Variants in SLC9A9 observed in about 807,000 individuals in gnomAD.
The protein encoded by SLC9A9 is sodium/hydrogen exchanger 9.
Under a neutral mutation model 77.8 loss-of-function variants are expected in SLC9A9, and 62 were observed. The ratio of observed to expected loss-of-function variants is 0.80; its 90% CI spans 0.65 to 0.98. The LOEUF (loss-of-function observed/expected upper bound fraction) is 0.98, where lower values mean the gene tolerates loss of function less well. Among genes scored for constraint, SLC9A9 ranks in the 50% least tolerant of loss-of-function variants. The pLI, the probability that SLC9A9 is intolerant of heterozygous loss-of-function variation, is 0.00. For synonymous variants in SLC9A9, 320 were observed against 283.5 expected, an observed-to-expected ratio of 1.13 and a Z score of -1.29; for missense variants, 775 against 774.9, an observed-to-expected ratio of 1.00 and a Z score of 0.00.
At chr3:143,335,338 T>G (rs978601398) in intron 14 of SLC9A9, among the ~76,000 whole-genome samples, 26 of 152,184 alleles carry the variant, frequency 1.7e-4, no homozygotes, top group African/African-American at 6.0e-4. Flanking sequence ...TGTTAAAATG[T>G]TTATACTGCC....
At chr3:143,538,259 C>T (rs540278089) in intron 9 of SLC9A9, among the ~76,000 whole-genome samples, 1 of 152,258 alleles carries the variant, frequency 6.6e-6, no homozygotes, top group South Asian at 2.1e-4. Flanking sequence ...GTCTCAAACT[C>T]TTTTAGTCTC....
intron 6 of SLC9A9, among the ~76,000 whole-genome samples, chr3:143,594,881 G>A (rs1010982559): frequency 6.6e-6 from 1 of 152,196 alleles, no homozygotes; most frequent in African/African-American, 2.4e-5. Flanking sequence ...ATGTTTGAAA[G>A]GTGGAATGTT....
chr3:143,283,530 A>T (rs542719032), intron 14 of SLC9A9, among the ~76,000 whole-genome samples: 2 of 152,334 alleles, frequency 1.3e-5, no homozygotes, highest in South Asian at 4.2e-4. Context: ...GGTATCACAG[A>T]TAACTGGCTC....
intron 11 of SLC9A9, among the ~76,000 whole-genome samples, chr3:143,474,583 A>G (rs1292052344): frequency 6.6e-6 from 1 of 151,968 alleles, no homozygotes; most frequent in Non-Finnish European, 1.5e-5. Context: ...GAATTGGGGA[A>G]GCCCAGGGGA....
chr3:143,579,337 C>T (rs955592759), intron 6 of SLC9A9, among the ~76,000 whole-genome samples: 1 of 152,170 alleles, frequency 6.6e-6, no homozygotes, highest in Non-Finnish European at 1.5e-5. Context: ...TGCCCAAGGT[C>T]ATCTTTTATA....
chr3:143,693,533 A>T (rs1933541520), intron 4 of SLC9A9, among the ~76,000 whole-genome samples: 1 of 152,216 alleles, frequency 6.6e-6, no homozygotes, highest in Admixed American at 6.6e-5. Flanking sequence ...AAGGTAATGC[A>T]ACAGTTTATA....
chr3:143,628,079 G>A (rs1287740094), intron 6 of SLC9A9, among the ~76,000 whole-genome samples: 1 of 152,150 alleles, frequency 6.6e-6, no homozygotes, highest in Non-Finnish European at 1.5e-5. Context: ...GGAAAATACG[G>A]CTTTCTCACT....
At chr3:143,455,659 AT>A (rs1404873991) in intron 12 of SLC9A9, among the ~76,000 whole-genome samples, 2 of 152,060 alleles carry the variant, frequency 1.3e-5, no homozygotes, top group Non-Finnish European at 1.5e-5. Flanking sequence ...AAGTATTTAC[AT>A]TTTTTTGAAC....
chr3:143,449,862 TATA>T (rs1184472533), intron 12 of SLC9A9, among the ~76,000 whole-genome samples: 3 of 87,040 alleles, frequency 3.4e-5, no homozygotes, highest in African/African-American at 1.4e-4. Flanking sequence ...TAATTATATA[TATA>T]AAATATATAA....
intron 14 of SLC9A9, 114 bp downstream of exon 14, chr3:143,363,370 A>G: frequency 2.1e-6 from 2 of 958,032 alleles, no homozygotes; most frequent in Non-Finnish European, 1.7e-6. Flanking sequence ...CTGTGAATTC[A>G]CTTTACCTTT....
intron 12 of SLC9A9, among the ~76,000 whole-genome samples, chr3:143,460,246 T>C (rs2035166799): frequency 6.6e-6 from 1 of 152,202 alleles, no homozygotes; most frequent in African/African-American, 2.4e-5. Context: ...CGAATATGTC[T>C]GTTACCATTT....
rs1459533744 is a variant in SLC9A9 at position 143,449,670 on chromosome 3, ATTATATAATTATATAAAATATAATTAT to A, written c.1469+17340_1469+17366del. 6.2e-3 allele frequency among the ~76,000 whole-genome samples: 93 copies of A among 14,910 alleles called. 2 individuals carry two copies. Among genetic ancestry groups the A allele is most frequent in the African/African-American group, 0.017 (27 of 1,612 alleles). 9.8% of individuals were successfully genotyped at this position (14,910 alleles called of 152,430 possible). On this transcript the variant is annotated intron_variant, in intron 12 of 15. Transcript: ENST00000316549. Reference sequence around the variant, plus strand: ...ATATAATTATATAAAATATAATTATATTATATAATTATATAAAATATAATTATATTATATAATTATATAAAATATAAT... The same window carrying A: ...ATATAATTATATAAAATATAATTATAATTATATAATTATATAAAATATAAT...
intron 4 of SLC9A9, among the ~76,000 whole-genome samples, chr3:143,701,533 A>G (rs1055662111): frequency 3.3e-5 from 5 of 152,164 alleles, no homozygotes; most frequent in Non-Finnish European, 5.9e-5. Flanking sequence ...AATGCATCGG[A>G]GTCTTTCAAC....
chr3:143,455,482 G>A (rs1012749963), intron 12 of SLC9A9, among the ~76,000 whole-genome samples: 1 of 152,160 alleles, frequency 6.6e-6, no homozygotes, highest in Admixed American at 6.5e-5. Flanking sequence ...AGAATTGTAT[G>A]AAATCTCTGG....
intron 14 of SLC9A9, among the ~76,000 whole-genome samples, chr3:143,335,520 T>G (rs1486984742): frequency 1.3e-5 from 2 of 152,148 alleles, no homozygotes; most frequent in Non-Finnish European, 2.9e-5. Flanking sequence ...TTTCAAAACA[T>G]ATTACAAGGC....
At chr3:143,355,237 A>G (rs149410298) in intron 14 of SLC9A9, among the ~76,000 whole-genome samples, 20 of 152,352 alleles carry the variant, frequency 1.3e-4, no homozygotes, top group Middle Eastern at 3.4e-3. Flanking sequence ...TGCAACTAAA[A>G]ATTATTACAA....
rs556686827 is a variant in SLC9A9 at position 143,842,157 on chromosome 3, G to A, written c.175+5991C>T. 7.9e-5 allele frequency among the ~76,000 whole-genome samples: 12 copies of A among 152,228 alleles called. No individual in the cohort carries two copies. In the South Asian group the frequency reaches 2.5e-3, roughly 32 times the overall value. On this transcript the variant is annotated intron_variant, in intron 1 of 15. Coordinates refer to ENST00000316549, the MANE Select transcript of SLC9A9 (RefSeq NM_173653.4). ...GCACTTTGGGAGGCTGAGGCAGGCA[G>A]ATCACGAGGTCAGGAGATCAAGACC... is the stretch of plus-strand genomic sequence containing the variant.
At chr3:143,478,549 A>G (rs1042042525) in intron 11 of SLC9A9, among the ~76,000 whole-genome samples, 1 of 152,202 alleles carries the variant, frequency 6.6e-6, no homozygotes, top group Non-Finnish European at 1.5e-5. Context: ...GCAGCATTTG[A>G]ACCTCTCCAA....
At chr3:143,594,088 T>A (rs944500472) in intron 6 of SLC9A9, among the ~76,000 whole-genome samples, 7 of 151,970 alleles carry the variant, frequency 4.6e-5, no homozygotes, top group African/African-American at 1.5e-4. Flanking sequence ...TTCTGGATTT[T>A]AAAAAAAGAG....
Sources: allele counts gnomAD v4.1 joint callset (sites outside exome capture counted in the v4.1 genomes callset), GRCh38; gene constraint gnomAD v4.1.1; transcripts MANE v1.5; gene names NCBI Gene and HGNC (gene_info 2026-07-23, HGNC 2026-07-21).